Variants in CYB5A observed in about 807,000 individuals in gnomAD.
CYB5A encodes cytochrome b5.
Under a neutral mutation model 16.2 loss-of-function variants are expected in CYB5A, and 10 were observed. That is an observed-to-expected ratio of 0.62 (90% CI 0.38 to 1.04). The LOEUF is 1.04. Ranked by LOEUF, CYB5A falls within the 50% of genes least tolerant of loss-of-function variation. The pLI, the probability that CYB5A is intolerant of heterozygous loss-of-function variation, is 0.01. For missense variants in CYB5A, 161 were observed against 165.9 expected (o/e 0.97, Z 0.16); for synonymous variants, 62 against 57.0 (o/e 1.09, Z -0.40).
rs1981851526 is a variant in CYB5A, at chr18:74,253,628, C to G, written c.361G>C (p.Val121Leu). 4.3e-6 allele frequency: 7 copies of G among 1,613,636 alleles called. No homozygotes were observed. The highest frequency in any genetic ancestry group is 1.1e-5 in the South Asian group (1 of 91,072). ...AGGCGATACATCAAGGCGACGGCCA[C>G]TGCAGAGATGGCAGGGATCACCCAG... ...TNWVIPAISA[V>L]AVALMYRLYM... The change falls in exon 5 of 5, where the codon GTG (valine) becomes CTG (leucine). Residue 121 changes from valine to leucine, a missense_variant. Physicochemically the swap from Val to Leu is conservative, Grantham distance 32. Transcript: ENST00000340533.
At chr18:74,270,550 G>A (rs1982629998) in intron 1 of CYB5A, among the ~76,000 whole-genome samples, 1 of 152,170 alleles carries the variant, frequency 6.6e-6, no homozygotes, top group African/African-American at 2.4e-5. Context: ...ATATCCATGG[G>A]TTCCTTACCC....
At chr18:74,261,071 C>T in intron 2 of CYB5A, 127 bp from the exon 3 acceptor site, 1 of 750,420 alleles carries the variant, frequency 1.3e-6, no homozygotes, top group Non-Finnish European at 2.3e-6. Flanking sequence ...CAACATTTAG[C>T]TATTAAACAC....
intron 1 of CYB5A, among the ~76,000 whole-genome samples, chr18:74,283,863 A>G (rs1983213603): frequency 6.6e-6 from 1 of 152,106 alleles, no homozygotes; most frequent in Admixed American, 6.5e-5. Context: ...AAGCTGCAAA[A>G]TCTCCCTAAG....
intron 4 of CYB5A, among the ~76,000 whole-genome samples, chr18:74,254,937 T>G (rs528268173): frequency 3.9e-5 from 6 of 152,348 alleles, no homozygotes; most frequent in Admixed American, 2.0e-4. Flanking sequence ...ACATATGTGT[T>G]TCATAGGGAC....
intron 3 of CYB5A, chr18:74,256,565 C>T (rs1357687829): frequency 3.9e-6 from 2 of 506,920 alleles, no homozygotes; most frequent in African/African-American, 1.9e-5. Context: ...GAAATATCAA[C>T]TTTTTGGGGC....
intron 1 of CYB5A, among the ~76,000 whole-genome samples, chr18:74,281,874 C>T (rs1432481977): frequency 6.6e-6 from 1 of 151,430 alleles, no homozygotes; most frequent in African/African-American, 2.4e-5. Context: ...AGCAGGAACA[C>T]TGATGAGAAT....
chr18:74,273,239 C>A (rs1181909567), intron 1 of CYB5A, among the ~76,000 whole-genome samples: 1 of 152,208 alleles, frequency 6.6e-6, no homozygotes, highest in Non-Finnish European at 1.5e-5. Context: ...GAGTGACTGA[C>A]TGGAGGGTAA....
chr18:74,271,308 T>C (rs1982658753), intron 1 of CYB5A, among the ~76,000 whole-genome samples: 1 of 152,208 alleles, frequency 6.6e-6, no homozygotes, highest in African/African-American at 2.4e-5. Flanking sequence ...CTCGTAGTTC[T>C]GACTGTCTAC....
At chr18:74,275,449 G>A (rs1599260087) in intron 1 of CYB5A, among the ~76,000 whole-genome samples, 1 of 152,138 alleles carries the variant, frequency 6.6e-6, no homozygotes, top group Non-Finnish European at 1.5e-5. Flanking sequence ...GCTGTCCCCA[G>A]GACAGGCCGA....
At chr18:74,259,944 T>C (rs981428540) in intron 3 of CYB5A, 3 of 85,798 alleles carry the variant, frequency 3.5e-5, no homozygotes, top group African/African-American at 9.9e-5. Context: ...AAGGAGAGAA[T>C]ATAAAAAAAA....
At chr18:74,269,853 G>A (rs1188192381) in intron 1 of CYB5A, among the ~76,000 whole-genome samples, 1 of 152,096 alleles carries the variant, frequency 6.6e-6, no homozygotes, top group Non-Finnish European at 1.5e-5. Context: ...CCCTGAGATC[G>A]CCATGCCATG....
intron 1 of CYB5A, among the ~76,000 whole-genome samples, chr18:74,268,600 G>A (rs535643456): frequency 1.1e-3 from 173 of 152,260 alleles, no homozygotes; most frequent in African/African-American, 3.8e-3. Context: ...GAGGGTGAGG[G>A]AAGGCTGTTC....
At chr18:74,276,354 A>T (rs1167916517) in intron 1 of CYB5A, among the ~76,000 whole-genome samples, 2 of 152,098 alleles carry the variant, frequency 1.3e-5, no homozygotes, top group African/African-American at 2.4e-5. Context: ...TAAAGTGACC[A>T]TTTTTACATT....
chr18:74,266,506 G>T (rs778961516), intron 1 of CYB5A, among the ~76,000 whole-genome samples: 4 of 152,198 alleles, frequency 2.6e-5, no homozygotes, highest in Admixed American at 6.5e-5. Flanking sequence ...CCTTTATAAA[G>T]AATTGCAGAC....
At chr18:74,261,467 A>C (rs1599248726) in intron 2 of CYB5A, 1 of 180,140 alleles carries the variant, frequency 5.6e-6, no homozygotes, top group East Asian at 1.3e-4. Context: ...GAAGTGCCAC[A>C]GTCAGGGCCT....
intron 4 of CYB5A, among the ~76,000 whole-genome samples, chr18:74,255,530 C>CA (rs1981940087): frequency 2.0e-5 from 3 of 152,274 alleles, no homozygotes; most frequent in South Asian, 4.2e-4. Flanking sequence ...TGCAGCCAGC[C>CA]AGCTAGATCA....
At chr18:74,267,167 T>G (rs1252937145) in intron 1 of CYB5A, among the ~76,000 whole-genome samples, 1 of 152,156 alleles carries the variant, frequency 6.6e-6, no homozygotes, top group African/African-American at 2.4e-5. Flanking sequence ...ATCACTTTTT[T>G]TTTTTTTGAG....
intron 1 of CYB5A, among the ~76,000 whole-genome samples, chr18:74,275,294 AC>A (rs1221724064): frequency 6.6e-6 from 1 of 152,124 alleles, no homozygotes; most frequent in East Asian, 1.9e-4. Flanking sequence ...CCTTGCAGCT[AC>A]ATATCTCATG....
At chr18:74,280,175 TG>T (rs1983038874) in intron 1 of CYB5A, among the ~76,000 whole-genome samples, 1 of 152,132 alleles carries the variant, frequency 6.6e-6, no homozygotes, top group Non-Finnish European at 1.5e-5. Flanking sequence ...ATATGTTATT[TG>T]GGGGGAATAA....
Sources: allele counts gnomAD v4.1 joint callset (sites outside exome capture counted in the v4.1 genomes callset), GRCh38; gene constraint gnomAD v4.1.1; transcripts MANE v1.5; gene names NCBI Gene and HGNC (gene_info 2026-07-23, HGNC 2026-07-21).